The following NDUFA5 variants were observed in gnomAD, a reference collection of about 807,000 sequenced individuals.
The protein encoded by NDUFA5 is NADH:ubiquinone oxidoreductase subunit A5, also known as NADH dehydrogenase [ubiquinone] 1 alpha subcomplex subunit 5.
Under a neutral mutation model 19.8 loss-of-function variants are expected in NDUFA5, and 11 were observed. The ratio of observed to expected loss-of-function variants is 0.56; its 90% CI spans 0.35 to 0.92. The LOEUF (loss-of-function observed/expected upper bound fraction) is 0.92. Ranked by LOEUF, NDUFA5 falls within the 40% of genes least tolerant of loss-of-function variation. The pLI is 0.01. For synonymous variants in NDUFA5, 47 were observed against 46.8 expected (o/e 1.00, Z -0.01); for missense variants, 109 against 134.2 (o/e 0.81, Z 0.93).
the NDUFA5 span, among the ~76,000 whole-genome samples, chr7:123,587,389 A>G: frequency 6.6e-6 from 1 of 151,448 alleles, no homozygotes; most frequent in East Asian, 1.9e-4. Flanking sequence ...CTGTAGGTTA[A>G]TTTTGTATCC....
chr7:123,590,033 C>G, the NDUFA5 span, among the ~76,000 whole-genome samples: 1 of 152,116 alleles, frequency 6.6e-6, no homozygotes, highest in East Asian at 1.9e-4. Context: ...GAGATGGTAT[C>G]TCATTGTGGT....
At chr7:123,557,861 C>T (rs1402614610), upstream of NDUFA5, 2 of 1,613,400 alleles carry the variant, frequency 1.2e-6, no homozygotes, top group African/African-American at 1.3e-5. Context: ...CTCAATCGAC[C>T]ACCGAGGTCG....
At chr7:123,593,111 T>C in the NDUFA5 span, among the ~76,000 whole-genome samples, 1 of 152,162 alleles carries the variant, frequency 6.6e-6, no homozygotes, top group East Asian at 1.9e-4. Flanking sequence ...TTTTTTTACT[T>C]TCCATTTGTT....
the NDUFA5 span, among the ~76,000 whole-genome samples, chr7:123,572,131 C>CTTT: frequency 4.6e-4 from 22 of 47,994 alleles, 1 homozygote; most frequent in African/African-American, 7.0e-4. Flanking sequence ...TGTAGAATTT[C>CTTT]TTTTTTTTTT....
chr7:123,584,356 T>A, the NDUFA5 span, among the ~76,000 whole-genome samples: 1 of 150,276 alleles, frequency 6.7e-6, no homozygotes, highest in South Asian at 2.1e-4. Context: ...GAAGTTTTAA[T>A]GTCCTGATGC....
chr7:123,545,885 T>C (rs990281798), intron 3 of NDUFA5: 2 of 443,292 alleles, frequency 4.5e-6, no homozygotes, highest in Non-Finnish European at 8.0e-6. Flanking sequence ...TAAATGTTTA[T>C]TGACATGCTG....
chr7:123,557,717 A>G, intron 1 of NDUFA5, 58 bp downstream of exon 1: 1 of 1,614,086 alleles, frequency 6.2e-7, no homozygotes, highest in Non-Finnish European at 8.5e-7. Context: ...AAGTAGGGCT[A>G]TCGGACTGAG....
the NDUFA5 span, among the ~76,000 whole-genome samples, chr7:123,583,113 T>A: frequency 6.6e-6 from 1 of 151,914 alleles, no homozygotes; most frequent in African/African-American, 2.4e-5. Flanking sequence ...ATTGTAGACC[T>A]AGGTGCAGTG....
At chr7:123,553,034 C>A (rs535658336) in intron 2 of NDUFA5, among the ~76,000 whole-genome samples, 5 of 152,140 alleles carry the variant, frequency 3.3e-5, no homozygotes, top group African/African-American at 4.8e-5. Flanking sequence ...TTTTTACCAC[C>A]ACGCAACACC....
At chr7:123,568,508 C>T in the NDUFA5 span, among the ~76,000 whole-genome samples, 11 of 144,362 alleles carry the variant, frequency 7.6e-5, no homozygotes, top group East Asian at 2.0e-3. Flanking sequence ...ACAACAAGAG[C>T]GAAAGTCCAT....
chr7:123,590,623 A>T, the NDUFA5 span, among the ~76,000 whole-genome samples: 1 of 152,134 alleles, frequency 6.6e-6, no homozygotes, highest in Non-Finnish European at 1.5e-5. Flanking sequence ...CAAAGATCAG[A>T]TGGTTATAGA....
chr7:123,582,704 C>T, the NDUFA5 span, among the ~76,000 whole-genome samples: 2 of 152,032 alleles, frequency 1.3e-5, no homozygotes, highest in East Asian at 3.9e-4. Context: ...GACTTTATAT[C>T]GTCTAAGGCA....
chr7:123,579,676 GGAGTT>G, the NDUFA5 span, among the ~76,000 whole-genome samples: 2 of 152,022 alleles, frequency 1.3e-5, no homozygotes, highest in African/African-American at 4.8e-5. Context: ...TCTGCTCCTG[GGAGTT>G]GAGTTAATTT....
chr7:123,550,262 T>C, intron 3 of NDUFA5: 1 of 466,916 alleles, frequency 2.1e-6, no homozygotes, highest in Non-Finnish European at 3.8e-6. Flanking sequence ...GATCTGATCC[T>C]AGTCTCAAAC....
In NDUFA5 at chr7:123,556,588, GAAAAAGTGTCAAATGTGTCAA is replaced by G. The variant is rs1174401445; in HGVS notation, c.66+795_66+815del. On this transcript the variant is annotated intron_variant, in intron 2 of 4. Transcript: ENST00000355749. ...AGCCCAGTAAAGAAAGCGCATGATGGAAAAAGTGTCAAATGTGTCAAAAAAAAAAAAACGCTGCTATTAGGT... is the reference window on the plus strand; with the variant it reads ...AGCCCAGTAAAGAAAGCGCATGATGGAAAAAAAAAAACGCTGCTATTAGGT... 8 of 236,638 alleles carry G rather than the reference GAAAAAGTGTCAAATGTGTCAA, an allele frequency of 3.4e-5. No individual in the cohort carries two copies. In the South Asian group the frequency reaches 3.7e-4, roughly 11 times the overall value. The allele number at this position is 236,638 out of a possible 1,614,324, so 14.7% of individuals were successfully genotyped here. A position where few individuals can be genotyped will look rare whatever the true frequency, so the allele number is the denominator to read the frequency against.
At chr7:123,571,863 C>T in the NDUFA5 span, among the ~76,000 whole-genome samples, 18 of 152,184 alleles carry the variant, frequency 1.2e-4, no homozygotes, top group Admixed American at 3.3e-4. Context: ...CTCCTGGGCC[C>T]GAGTGATCCT....
chr7:123,550,392 C>T (rs1262743422), intron 3 of NDUFA5, 78 bp downstream of exon 3: 14 of 791,334 alleles, frequency 1.8e-5, no homozygotes, highest in South Asian at 8.8e-5. Flanking sequence ...AAAAGTGTGT[C>T]GAATATATAA....
the NDUFA5 span, among the ~76,000 whole-genome samples, chr7:123,564,777 T>A: frequency 6.6e-6 from 1 of 152,116 alleles, no homozygotes; most frequent in Non-Finnish European, 1.5e-5. Context: ...GCCTTATGAT[T>A]TCTTAACTTT....
the NDUFA5 span, among the ~76,000 whole-genome samples, chr7:123,597,467 A>G: frequency 6.6e-6 from 1 of 152,142 alleles, no homozygotes; most frequent in Non-Finnish European, 1.5e-5. Flanking sequence ...TATGTATAGG[A>G]AAAAAACCAG....
Sources: allele counts gnomAD v4.1 joint callset (sites outside exome capture counted in the v4.1 genomes callset), GRCh38; gene constraint gnomAD v4.1.1; transcripts MANE v1.5; gene names NCBI Gene and HGNC (gene_info 2026-07-23, HGNC 2026-07-21).